Variants in TMTC4 observed in about 807,000 individuals in gnomAD.
The protein encoded by TMTC4 is protein O-mannosyl-transferase TMTC4.
Under a neutral mutation model 86.0 loss-of-function variants are expected in TMTC4, and 65 were observed. The observed-to-expected ratio is 0.76, with a 90% CI of 0.62 to 0.93. TMTC4 has a LOEUF of 0.93. TMTC4 is among the 40% of genes least tolerant of loss of function. The pLI is 0.00. For missense variants in TMTC4, 866 were observed against 948.1 expected (o/e 0.91, Z 1.14); for synonymous variants, 379 against 382.5 (o/e 0.99, Z 0.11).
rs1362054810 is a variant in TMTC4, at chr13:100,674,792, C to A, written c.-256G>T. The stretch of plus-strand genomic sequence containing the variant: ...CGCATCTCCCTCCCGGGTGCGGAAA[C>A]TCTGGCGGCTCCAGGCACCCGCCCG... On this transcript the variant is annotated 5_prime_UTR_variant, in exon 1 of 19. Transcript: ENST00000342624. 5 of 983,652 alleles carry A rather than the reference C, an allele frequency of 5.1e-6. No individual in the cohort carries two copies. The African/African-American group carries it at 7.0e-5, about 14-fold the overall frequency. 60.9% of individuals were successfully genotyped at this position (983,652 alleles called of 1,614,324 possible). A position where few individuals can be genotyped will look rare whatever the true frequency, so the allele number is the denominator to read the frequency against.
At chr13:100,618,319 C>G (rs1878836364) in intron 15 of TMTC4, among the ~76,000 whole-genome samples, 2 of 152,046 alleles carry the variant, frequency 1.3e-5, no homozygotes, top group Non-Finnish European at 2.9e-5. Context: ...TATTTACATG[C>G]CTTTTATTTA....
intron 17 of TMTC4, among the ~76,000 whole-genome samples, chr13:100,608,477 A>C (rs1877013353): frequency 6.6e-6 from 1 of 152,168 alleles, no homozygotes; most frequent in Admixed American, 6.5e-5. Flanking sequence ...ATGTGGACAA[A>C]AGAAGGGGTG....
At chr13:100,660,057 G>T (rs1885575638) in intron 5 of TMTC4, among the ~76,000 whole-genome samples, 1 of 151,714 alleles carries the variant, frequency 6.6e-6, no homozygotes, top group African/African-American at 2.4e-5. Flanking sequence ...TAGGCCAGGT[G>T]CAGTGGCTCA....
intron 6 of TMTC4, among the ~76,000 whole-genome samples, chr13:100,646,674 G>GT (rs1883790928): frequency 2.0e-5 from 3 of 152,234 alleles, no homozygotes; most frequent in South Asian, 2.1e-4. Context: ...GAGCCCGGAA[G>GT]TCAGGCTTCC....
chr13:100,637,900 T>C (rs1882483295), intron 8 of TMTC4, 30 bp downstream of exon 8: 2 of 1,576,722 alleles, frequency 1.3e-6, no homozygotes, highest in Non-Finnish European at 1.7e-6. Context: ...ATTTTCCATG[T>C]CTGGGCTGGA....
At position 100,605,077 on chromosome 13, in the gene TMTC4, G is replaced by C; in HGVS notation, c.2200C>G (p.Leu734Val). 1.2e-6 allele frequency: 2 copies of C among 1,614,108 alleles called. No homozygotes were observed. The highest frequency in any genetic ancestry group is 1.7e-6 in the Non-Finnish European group (2 of 1,180,010). Residue 734 changes from leucine to valine, a missense_variant, in exon 19 of 19, where the codon CTT becomes GTT. By Grantham distance (32) the Leu-to-Val change is conservative. Coordinates refer to ENST00000342624, the MANE Select transcript of TMTC4 (RefSeq NM_032813.5). This position sits in a 1 kb window ranked among gnomAD's most constrained non-coding sequence, Gnocchi z 4.3. ...AKKHYEISLQ[L>V]DPTASGTKEN... ...TTAGTTCCTGATGCCGTGGGGTCAA[G>C]CTGCAAGGAGATTTCATAGTGTTTC...
chr13:100,664,101 C>T (rs1158587894), intron 4 of TMTC4, 120 bp downstream of exon 4: 2 of 812,334 alleles, frequency 2.5e-6, no homozygotes, highest in Admixed American at 6.2e-5. Context: ...GCAGCTCAGA[C>T]CCCACCTGGA....
rs1566548896 is a variant in TMTC4, at chr13:100,604,787, A to G, written c.*207T>C. ...TTAGAATTACATTTGAGTTGTCTGA[A>G]AAAATACAATTTCAATGAAAAATCA... On this transcript the variant is annotated 3_prime_UTR_variant, in exon 19 of 19. Coordinates refer to ENST00000342624, the MANE Select transcript of TMTC4 (RefSeq NM_032813.5). 2 of 478,230 alleles carry G rather than the reference A, an allele frequency of 4.2e-6. No homozygotes were observed. The highest frequency in any genetic ancestry group is 6.7e-6 in the Non-Finnish European group (2 of 297,590). 29.6% of individuals were successfully genotyped at this position (478,230 alleles called of 1,614,324 possible). A position where few individuals can be genotyped will look rare whatever the true frequency, so the allele number is the denominator to read the frequency against.
intron 17 of TMTC4, among the ~76,000 whole-genome samples, chr13:100,607,817 A>C (rs923557716): frequency 2.0e-5 from 3 of 152,192 alleles, no homozygotes; most frequent in African/African-American, 7.2e-5. Flanking sequence ...GAGGGACTTA[A>C]GAAAGACATC....
intron 5 of TMTC4, among the ~76,000 whole-genome samples, chr13:100,656,934 C>T (rs1346901724): frequency 6.6e-6 from 1 of 152,146 alleles, no homozygotes; most frequent in Non-Finnish European, 1.5e-5. Flanking sequence ...TGCAATAGTG[C>T]TTGGTGTTAT....
At position 100,606,439 on chromosome 13, in the gene TMTC4, G is replaced by C. The variant is rs189902578; in HGVS notation, c.2065-12C>G. 7.5e-4 allele frequency: 1,202 copies of C among 1,606,146 alleles called. 7 individuals are homozygous for C. Among genetic ancestry groups the C allele is most frequent in the Non-Finnish European group, 5.7e-4 (664 of 1,175,180 alleles). On this transcript the variant is annotated splice_polypyrimidine_tract_variant and intron_variant, in intron 17 of 18. Transcript: ENST00000342624. The stretch of plus-strand genomic sequence containing the variant: ...AAAGCTTCAGATTCCTAAAAAATGA[G>C]AAACATAAAAAGGAAGATATTTATT...
At chr13:100,606,624 G>C (rs1054918588) in intron 17 of TMTC4, among the ~76,000 whole-genome samples, 197 bp from the exon 18 acceptor site, 2 of 152,198 alleles carry the variant, frequency 1.3e-5, no homozygotes, top group Non-Finnish European at 2.9e-5. Flanking sequence ...GGAGGGAGTG[G>C]TGGCCGCAGA....
upstream of TMTC4, chr13:100,675,006 G>A (rs1887689611): frequency 1.0e-6 from 1 of 985,576 alleles, no homozygotes; most frequent in Non-Finnish European, 1.2e-6. Flanking sequence ...TGGCGGACGC[G>A]CCGGTGACGT....
intron 15 of TMTC4, among the ~76,000 whole-genome samples, chr13:100,616,874 GC>G (rs1353738478): frequency 6.6e-6 from 1 of 151,942 alleles, no homozygotes; most frequent in Non-Finnish European, 1.5e-5. Flanking sequence ...CTGTTTTTTT[GC>G]TTGTTGATTT....
intron 6 of TMTC4, 115 bp from the exon 7 acceptor site, chr13:100,642,426 G>A (rs998683247): frequency 1.7e-6 from 2 of 1,195,356 alleles, no homozygotes; most frequent in African/African-American, 3.0e-5. Flanking sequence ...TAAAAACAGG[G>A]TTTGGGCTTC....
intron 12 of TMTC4, among the ~76,000 whole-genome samples, chr13:100,632,353 C>T (rs182916380): frequency 7.9e-5 from 12 of 152,236 alleles, no homozygotes; most frequent in East Asian, 3.9e-4. Flanking sequence ...GAAAATAATA[C>T]GCTGTCTCTC....
At chr13:100,615,908 C>T (rs184842924) in intron 15 of TMTC4, among the ~76,000 whole-genome samples, 5 of 152,312 alleles carry the variant, frequency 3.3e-5, no homozygotes, top group African/African-American at 1.2e-4. Context: ...TGCCTCCCTG[C>T]CTCCCCACTC....
At chr13:100,659,424 C>T (rs1317530335) in intron 5 of TMTC4, among the ~76,000 whole-genome samples, 1 of 152,200 alleles carries the variant, frequency 6.6e-6, no homozygotes, top group Non-Finnish European at 1.5e-5. Flanking sequence ...TGCGCCACCA[C>T]ACCTGGCTAC....
chr13:100,661,128 T>C (rs1885726265), intron 5 of TMTC4, among the ~76,000 whole-genome samples: 1 of 152,222 alleles, frequency 6.6e-6, no homozygotes, highest in Admixed American at 6.5e-5. Flanking sequence ...ATGGATGTCA[T>C]GGTGGGGAGG....
Sources: gnomAD v4.1 joint callset for allele counts (sites outside exome capture counted in the v4.1 genomes callset) on GRCh38, gnomAD v4.1.1 for gene constraint, Gnocchi (gnomAD v3.1) non-coding constraint, MANE v1.5 for transcripts, NCBI Gene and HGNC (gene_info 2026-07-23, HGNC 2026-07-21) for gene names.